The following DPP10 variants were observed in gnomAD, a reference collection of about 807,000 sequenced individuals.
The protein encoded by DPP10 is dipeptidyl peptidase like 10.
A neutral mutation model predicts 120.9 loss-of-function variants in DPP10; 33 were observed. The ratio of observed to expected loss-of-function variants is 0.27; its 90% CI spans 0.21 to 0.37. DPP10 has a LOEUF of 0.37. Ranked by LOEUF, DPP10 falls within the 10% of genes least tolerant of loss-of-function variation. DPP10 has a pLI of 1.00. For missense variants in DPP10, 816 were observed against 942.8 expected, an observed-to-expected ratio of 0.87 and a Z score of 1.76; for synonymous variants, 337 against 326.1, an observed-to-expected ratio of 1.03 and a Z score of -0.36.
chr2:115,346,873 T>C (rs958578921), intron 3 of DPP10, among the ~76,000 whole-genome samples: 2 of 152,180 alleles, frequency 1.3e-5, no homozygotes, highest in Admixed American at 6.6e-5. Context: ...CTTTACTCAT[T>C]ATGCTTAAGT....
chr2:114,718,633 C>G (rs940088295), intron 1 of DPP10, among the ~76,000 whole-genome samples: 2 of 152,078 alleles, frequency 1.3e-5, no homozygotes, highest in East Asian at 1.9e-4. Context: ...AACAGTGCCA[C>G]AGTTTCGTTA....
intron 3 of DPP10, among the ~76,000 whole-genome samples, chr2:115,405,651 AC>A (rs2068451444): frequency 6.6e-6 from 1 of 151,980 alleles, no homozygotes; most frequent in Admixed American, 6.6e-5. Flanking sequence ...AGGCTGCTGC[AC>A]CTCCTCCACT....
intron 1 of DPP10, among the ~76,000 whole-genome samples, chr2:115,302,086 C>A (rs1002994381): frequency 6.6e-6 from 1 of 151,966 alleles, no homozygotes; most frequent in African/African-American, 2.4e-5. Flanking sequence ...AAAGGGGAAG[C>A]AAATACATGT....
rs1208614693 is a variant in DPP10, at chr2:115,466,639, TAGAA to T, written c.272-32868_272-32865del. On this transcript the variant is annotated intron_variant, in intron 3 of 25. Coordinates refer to ENST00000410059, the MANE Select transcript of DPP10 (RefSeq NM_020868.6). ...TACATCTTATTACTTTTGTGAAAAA[TAGAA>T]AGGGTTACATAATAAAATATTAATT... Among the ~76,000 whole-genome samples the T allele has an allele frequency of 1.2e-4, 18 of 152,194 alleles. No individual in the cohort carries two copies. The South Asian group carries it at 1.2e-3, about 11-fold the overall frequency.
At chr2:115,828,918 CAT>C (rs1688651421) in intron 21 of DPP10, among the ~76,000 whole-genome samples, 1 of 151,892 alleles carries the variant, frequency 6.6e-6, no homozygotes, top group Non-Finnish European at 1.5e-5. Context: ...TATATATGAA[CAT>C]ATATATTTGT....
chr2:115,555,539 GT>G (rs1400690898), intron 5 of DPP10, among the ~76,000 whole-genome samples: 2 of 152,044 alleles, frequency 1.3e-5, no homozygotes, highest in Non-Finnish European at 2.9e-5. Context: ...CGTAACGAGG[GT>G]TTTTGTCTTC....
intron 4 of DPP10, among the ~76,000 whole-genome samples, chr2:115,507,622 G>A (rs1316597068): frequency 2.6e-5 from 4 of 152,142 alleles, no homozygotes; most frequent in Non-Finnish European, 5.9e-5. Flanking sequence ...CATGGGTAGA[G>A]AATGGTACAA....
intron 1 of DPP10, among the ~76,000 whole-genome samples, chr2:114,819,350 C>T (rs1353115321): frequency 6.6e-6 from 1 of 152,088 alleles, no homozygotes; most frequent in African/African-American, 2.4e-5. Context: ...AGCCACTTAC[C>T]CTCTGTGATC....
chr2:114,749,246 G>T (rs1010941748), intron 1 of DPP10, among the ~76,000 whole-genome samples: 15 of 150,796 alleles, frequency 9.9e-5, no homozygotes, highest in African/African-American at 3.2e-4. Context: ...CTTTTTGATG[G>T]GGTTGTTTGT....
Position 115,042,008 on chromosome 2 carries a change from C to CTTT in DPP10, c.61-267211_61-267209dup, listed in dbSNP as rs5833573. On this transcript the variant is annotated intron_variant, in intron 1 of 25. Coordinates refer to ENST00000410059, the MANE Select transcript of DPP10 (RefSeq NM_020868.6). Reference sequence around the variant, plus strand: ...AAATTAAACTGTTTTTCTATCTTATCTTTTTTTTTTTTTTTTTTTTTTGCA... The same window carrying CTTT: ...AAATTAAACTGTTTTTCTATCTTATCTTTTTTTTTTTTTTTTTTTTTTTTTGCA... Among the ~76,000 whole-genome samples the CTTT allele has an allele frequency of 6.3e-3, 502 of 80,288 alleles. 17 individuals are homozygous for CTTT. Among genetic ancestry groups the CTTT allele is most frequent in the Middle Eastern group, 0.03 (2 of 66 alleles). 52.7% of individuals were successfully genotyped at this position (80,288 alleles called of 152,430 possible).
chr2:115,078,672 G>A (rs1707989771), intron 1 of DPP10, among the ~76,000 whole-genome samples: 1 of 152,108 alleles, frequency 6.6e-6, no homozygotes, highest in Non-Finnish European at 1.5e-5. Context: ...TGAAGAAATT[G>A]CTAACCTAAT....
chr2:115,372,412 A>AG (rs397816953), intron 3 of DPP10, among the ~76,000 whole-genome samples: 1 of 151,650 alleles, frequency 6.6e-6, no homozygotes, highest in Non-Finnish European at 1.5e-5. Flanking sequence ...AGGTAAAAAA[A>AG]GTCTCTGCAG....
At chr2:115,665,755 T>C (rs547280791) in intron 5 of DPP10, among the ~76,000 whole-genome samples, 3 of 152,214 alleles carry the variant, frequency 2.0e-5, no homozygotes, top group African/African-American at 7.2e-5. Flanking sequence ...GTATTTTAAT[T>C]TGAGTAATTT....
intron 1 of DPP10, among the ~76,000 whole-genome samples, chr2:114,846,651 C>T (rs894489806): frequency 6.6e-6 from 1 of 151,904 alleles, no homozygotes; most frequent in Non-Finnish European, 1.5e-5. Context: ...TCCTTTCCTT[C>T]ACCAGCAAGA....
chr2:115,648,869 T>C (rs1301670142), intron 5 of DPP10, among the ~76,000 whole-genome samples: 1 of 151,854 alleles, frequency 6.6e-6, no homozygotes, highest in African/African-American at 2.4e-5. Flanking sequence ...CTTTGTTGCC[T>C]TAACACCTAG....
intron 1 of DPP10, among the ~76,000 whole-genome samples, chr2:114,845,699 G>C (rs1688497200): frequency 1.3e-5 from 2 of 152,168 alleles, no homozygotes; most frequent in Non-Finnish European, 2.9e-5. Flanking sequence ...TGCAAGAAGT[G>C]TGAAGAAATA....
intron 2 of DPP10, among the ~76,000 whole-genome samples, chr2:115,324,383 ATCT>A (rs2062229792): frequency 6.6e-6 from 1 of 152,188 alleles, no homozygotes; most frequent in Admixed American, 6.5e-5. Flanking sequence ...TCCTAGCTAC[ATCT>A]TCTTGATAAC....
chr2:115,300,778 T>A (rs1017247177), intron 1 of DPP10, among the ~76,000 whole-genome samples: 1 of 152,048 alleles, frequency 6.6e-6, no homozygotes, highest in African/African-American at 2.4e-5. Context: ...TCTCAGAGTG[T>A]ATTTAAGGCA....
At chr2:114,528,336 T>C (rs939117854) in intron 1 of DPP10, among the ~76,000 whole-genome samples, 4 of 152,300 alleles carry the variant, frequency 2.6e-5, no homozygotes, top group African/African-American at 9.6e-5. Context: ...TGTGACTCTA[T>C]GCATAGGCAC....
Sources: allele counts gnomAD v4.1 joint callset (sites outside exome capture counted in the v4.1 genomes callset), GRCh38; gene constraint gnomAD v4.1.1; transcripts MANE v1.5; gene names NCBI Gene and HGNC (gene_info 2026-07-23, HGNC 2026-07-21).